The following PTBP3 variants were observed in gnomAD, a reference collection of about 807,000 sequenced individuals.
The protein encoded by PTBP3 is polypyrimidine tract binding protein 3.
Under a neutral mutation model 58.7 loss-of-function variants are expected in PTBP3, and 20 were observed. The observed-to-expected ratio is 0.34, with a 90% CI of 0.24 to 0.50. PTBP3 has a LOEUF of 0.50. Ranked by LOEUF, PTBP3 falls within the 20% of genes least tolerant of loss-of-function variation. The pLI is 0.98. For synonymous variants in PTBP3, 185 were observed against 219.8 expected (o/e 0.84, Z 1.40); for missense variants, 509 against 637.2 (o/e 0.80, Z 2.17).
At chr9:112,321,604 AGTAAG>A (rs1315900325) in intron 1 of PTBP3, among the ~76,000 whole-genome samples, 1 of 152,120 alleles carries the variant, frequency 6.6e-6, no homozygotes, top group East Asian at 1.9e-4. Context: ...CAATCAGGGA[AGTAAG>A]GTCATGAGGC....
intron 2 of PTBP3, 68 bp downstream of exon 2, chr9:112,297,764 A>G: frequency 7.7e-7 from 1 of 1,303,020 alleles, no homozygotes; most frequent in East Asian, 2.3e-5. Flanking sequence ...TAAGCAAAAT[A>G]AGAGCATTGT....
intron 1 of PTBP3, among the ~76,000 whole-genome samples, chr9:112,314,567 T>TTA (rs1829624961): frequency 6.6e-6 from 1 of 152,048 alleles, no homozygotes; most frequent in African/African-American, 2.4e-5. Flanking sequence ...CAGCGGTGTG[T>TTA]ACCTTCAGTC....
the PTBP3 span, among the ~76,000 whole-genome samples, chr9:112,372,527 A>G: frequency 1.3e-5 from 2 of 152,164 alleles, no homozygotes; most frequent in Non-Finnish European, 2.9e-5. Flanking sequence ...TCATCACCCC[A>G]AAACGAAACT....
At chr9:112,230,768 T>C (rs1319691439) in intron 10 of PTBP3, among the ~76,000 whole-genome samples, 2 of 152,224 alleles carry the variant, frequency 1.3e-5, no homozygotes, top group East Asian at 3.8e-4. Context: ...AATAAAAATC[T>C]TTAAAATAGT....
chr9:112,365,534 T>C, the PTBP3 span, among the ~76,000 whole-genome samples: 3 of 152,204 alleles, frequency 2.0e-5, no homozygotes, highest in Non-Finnish European at 4.4e-5. Flanking sequence ...GAACTGTAAG[T>C]CCATTAAACC....
At chr9:112,376,069 C>T in the PTBP3 span, among the ~76,000 whole-genome samples, 1 of 151,422 alleles carries the variant, frequency 6.6e-6, no homozygotes, top group Non-Finnish European at 1.5e-5. Context: ...ACAGCTTGCA[C>T]AGCAGCCTGG....
At chr9:112,256,246 C>T (rs1836342891) in intron 5 of PTBP3, among the ~76,000 whole-genome samples, 1 of 123,514 alleles carries the variant, frequency 8.1e-6, no homozygotes, top group Non-Finnish European at 1.7e-5. Context: ...AAGAGAGAAA[C>T]TCCGTCTCAA....
intron 2 of PTBP3, among the ~76,000 whole-genome samples, chr9:112,285,317 TA>T (rs1486062897): frequency 6.6e-6 from 1 of 152,238 alleles, no homozygotes; most frequent in Non-Finnish European, 1.5e-5. Flanking sequence ...GCCATGATTG[TA>T]AGTTTCCTGA....
rs1377608581 is a variant in PTBP3, at chr9:112,227,525, T to C, written c.1250A>G (p.Gln417Arg). The C allele has an allele frequency of 1.9e-6, 3 of 1,613,892 alleles. No individual in the cohort carries two copies. The highest frequency in any genetic ancestry group is 1.7e-5 in the Admixed American group (1 of 59,976). ...VQLPREGQED[Q>R]GLTKDFSNSP... Reference sequence around the variant, plus strand: ...ATTGCTGAAATCCTTAGTCAGACCTTGGTCTTCTTGTCCCTCTCGAGGAAG... The same window carrying C: ...ATTGCTGAAATCCTTAGTCAGACCTCGGTCTTCTTGTCCCTCTCGAGGAAG... Residue 417 changes from glutamine (Q) to arginine (R), a missense_variant, in exon 12 of 14, where the codon CAA (glutamine) becomes CGA (arginine). Gln to Arg is a conservative substitution (Grantham distance 43, BLOSUM62 1). Coordinates refer to ENST00000374257, the MANE Select transcript of PTBP3 (RefSeq NM_001163788.4).
the PTBP3 span, among the ~76,000 whole-genome samples, chr9:112,358,266 T>A: frequency 1.3e-5 from 2 of 152,108 alleles, no homozygotes; most frequent in African/African-American, 2.4e-5. Flanking sequence ...GTAGATACCA[T>A]GCCACTGTCC....
chr9:112,356,742 T>C, the PTBP3 span, among the ~76,000 whole-genome samples: 6 of 151,464 alleles, frequency 4.0e-5, no homozygotes, highest in Admixed American at 2.6e-4. Context: ...AGCAGTGGGA[T>C]TGTCAGAGAT....
At chr9:112,304,821 T>C (rs1829107075) in intron 1 of PTBP3, among the ~76,000 whole-genome samples, 1 of 152,214 alleles carries the variant, frequency 6.6e-6, no homozygotes, top group Non-Finnish European at 1.5e-5. Context: ...TGTAGACTCT[T>C]GCTATTTTGC....
At chr9:112,312,301 A>C (rs965337993) in intron 1 of PTBP3, among the ~76,000 whole-genome samples, 5 of 152,128 alleles carry the variant, frequency 3.3e-5, no homozygotes, top group African/African-American at 1.2e-4. Flanking sequence ...TGGGCAACAT[A>C]GTGAGACCCT....
chr9:112,306,511 T>C (rs1423176262), intron 1 of PTBP3, among the ~76,000 whole-genome samples: 1 of 151,454 alleles, frequency 6.6e-6, no homozygotes, highest in Non-Finnish European at 1.5e-5. Flanking sequence ...GACTTCCATC[T>C]GTAAAGAAAA....
At chr9:112,267,253 C>T (rs1281612012) in intron 4 of PTBP3, among the ~76,000 whole-genome samples, 1 of 151,948 alleles carries the variant, frequency 6.6e-6, no homozygotes, top group African/African-American at 2.4e-5. Context: ...GCAAGCTCCG[C>T]CTCCCAGGCT....
At chr9:112,274,015 A>G (rs1363183874) in intron 3 of PTBP3, among the ~76,000 whole-genome samples, 2 of 152,230 alleles carry the variant, frequency 1.3e-5, no homozygotes, top group Non-Finnish European at 1.5e-5. Flanking sequence ...GCCATTAGAC[A>G]TGGCCATGTG....
Position 112,240,648 on chromosome 9 carries a change from G to GTTT in PTBP3, c.803-5754_803-5752dup, listed in dbSNP as rs35228236. ...GTTATTTTAGAGTGTACTCCTACTT[G>GTTT]TTTTTTTTTTTCTTAAAACTTAACC... On this transcript the variant is annotated intron_variant, in intron 7 of 13. Transcript: ENST00000374257. Among the ~76,000 whole-genome samples, 5 of 147,352 alleles carry GTTT rather than the reference G, an allele frequency of 3.4e-5. No individual in the cohort carries two copies. In the South Asian group the frequency reaches 1.1e-3, roughly 31 times the overall value.
At chr9:112,338,949 C>T in the PTBP3 span, among the ~76,000 whole-genome samples, 1 of 152,184 alleles carries the variant, frequency 6.6e-6, no homozygotes, top group Admixed American at 6.5e-5. Context: ...GCCAAAGTTG[C>T]ATTGGGCTTT....
chr9:112,286,736 T>A (rs1483127400), intron 2 of PTBP3, among the ~76,000 whole-genome samples: 1 of 152,242 alleles, frequency 6.6e-6, no homozygotes, highest in Non-Finnish European at 1.5e-5. Context: ...TCATGCTGTA[T>A]AAAACTCAAG....
Sources: allele counts gnomAD v4.1 joint callset (sites outside exome capture counted in the v4.1 genomes callset), GRCh38; gene constraint gnomAD v4.1.1; transcripts MANE v1.5; gene names NCBI Gene and HGNC (gene_info 2026-07-23, HGNC 2026-07-21).